Variants in SUGT1 observed in about 807,000 individuals in gnomAD.
SUGT1 encodes protein SGT1 homolog.
A neutral mutation model predicts 56.1 loss-of-function variants in SUGT1; 15 were observed. The ratio of observed to expected loss-of-function variants is 0.27; its 90% CI spans 0.18 to 0.41. The LOEUF is 0.41. Ranked by LOEUF, SUGT1 falls within the 10% of genes least tolerant of loss-of-function variation. The probability of loss-of-function intolerance (pLI) is 1.00; values close to 1 mark genes in which losing one functional copy is unlikely to be tolerated. For synonymous variants in SUGT1, 123 were observed against 128.6 expected (o/e 0.96, Z 0.30); for missense variants, 347 against 382.2 (o/e 0.91, Z 0.77).
At chr13:52,665,772 T>TATTTGCAATATACTAA in intron 9 of SUGT1, 39 bp downstream of exon 9, 1 of 1,412,280 alleles carries the variant, frequency 7.1e-7, no homozygotes, top group Non-Finnish European at 9.8e-7. Context: ...TGATTACTAT[T>TATTTGCAATATACTAA]ATTTGCAAAT....
chr13:52,692,649 T>C lies in SUGT1; in HGVS notation c.*4814T>C, dbSNP rs1963815794. On this transcript the variant is annotated 3_prime_UTR_variant, in exon 13 of 13. Transcript: ENST00000310528. ...TGGTCTTGAACTCCTGACCTCATGA[T>C]CCGCCCACCTTGGCCTCCCAAAATG... 1 of 152,276 alleles carries C rather than the reference T, an allele frequency of 6.6e-6. No homozygotes were observed. The highest frequency in any genetic ancestry group is 1.5e-5 in the Non-Finnish European group (1 of 68,120). The allele number at this position is 152,276 out of a possible 1,614,324, so 9.4% of individuals were successfully genotyped here. A position where few individuals can be genotyped will look rare whatever the true frequency, so the allele number is the denominator to read the frequency against.
Position 52,694,422 on chromosome 13 carries a change from T to G in SUGT1, c.*6587T>G, listed in dbSNP as rs1254569330. The G allele has an allele frequency of 6.6e-6, 1 of 152,244 alleles. No homozygotes were observed. Among genetic ancestry groups the G allele is most frequent in the African/African-American group, 2.4e-5 (1 of 41,462 alleles). 9.4% of individuals were successfully genotyped at this position (152,244 alleles called of 1,614,324 possible). A position where few individuals can be genotyped will look rare whatever the true frequency, so the allele number is the denominator to read the frequency against. On this transcript the variant is annotated 3_prime_UTR_variant, in exon 13 of 13. Coordinates refer to ENST00000310528, the MANE Select transcript of SUGT1 (RefSeq NM_006704.5). ...ATTCATGAAAAGTTTTTAATAATTT[T>G]ACTTAAACAGAGCTTAATTATGTAA...
In SUGT1 at chr13:52,687,998, A is replaced by G; in HGVS notation, c.*163A>G. 1 of 447,000 alleles carries G rather than the reference A, an allele frequency of 2.2e-6. No individual in the cohort carries two copies. The highest frequency in any genetic ancestry group is 3.9e-6 in the Non-Finnish European group (1 of 256,894). The allele number at this position is 447,000 out of a possible 1,614,324, so 27.7% of individuals were successfully genotyped here. Reference sequence around the variant, plus strand: ...ATTTTCCTTCAAGTGTTCAAGTCTAATGAAGAATGAAGATAACATTTTATC... The same window carrying G: ...ATTTTCCTTCAAGTGTTCAAGTCTAGTGAAGAATGAAGATAACATTTTATC... On this transcript the variant is annotated 3_prime_UTR_variant, in exon 13 of 13. Transcript: ENST00000310528.
chr13:52,663,238 G>T, intron 7 of SUGT1, 126 bp downstream of exon 7: 1 of 875,148 alleles, frequency 1.1e-6, no homozygotes. Flanking sequence ...TTTAAGTGCT[G>T]GTTCCTCTAG....
Position 52,699,086 on chromosome 13 carries a change from T to A in SUGT1, c.*11251T>A, listed in dbSNP as rs1206053612. 6.6e-6 allele frequency: 1 copy of A among 152,212 alleles called. No individual in the cohort carries two copies. The highest frequency in any genetic ancestry group is 6.5e-5 in the Admixed American group (1 of 15,282). The allele number at this position is 152,212 out of a possible 1,614,324, so 9.4% of individuals were successfully genotyped here. ...CTAATGCCTTATTTCCAGTAAAGTT[T>A]AGAGAAGAGGAAAAGCTACTTGGCT... On this transcript the variant is annotated 3_prime_UTR_variant, in exon 13 of 13. Coordinates refer to ENST00000310528, the MANE Select transcript of SUGT1 (RefSeq NM_006704.5).
Position 52,695,503 on chromosome 13 carries a change from C to CT in SUGT1, c.*7669dup, listed in dbSNP as rs1963903381. The CT allele has an allele frequency of 1.3e-5, 2 of 152,180 alleles. No homozygotes were observed. The highest frequency in any genetic ancestry group is 1.3e-4 in the Admixed American group (2 of 15,266). The allele number at this position is 152,180 out of a possible 1,614,324, so 9.4% of individuals were successfully genotyped here. On this transcript the variant is annotated 3_prime_UTR_variant, in exon 13 of 13. Coordinates refer to ENST00000310528, the MANE Select transcript of SUGT1 (RefSeq NM_006704.5). ...CCTCAGGATTGTGAGGATTTAATAA[C>CT]TAAGTCCTGACTCAAATTATGTTAC... is the stretch of plus-strand genomic sequence containing the variant.
At chr13:52,656,647 T>A (rs1203680848) in intron 2 of SUGT1, among the ~76,000 whole-genome samples, 1 of 152,172 alleles carries the variant, frequency 6.6e-6, no homozygotes, top group Non-Finnish European at 1.5e-5. Flanking sequence ...AGCCTTACTT[T>A]CTGTTGATTG....
chr13:52,699,378 A>C lies in SUGT1; in HGVS notation c.*11543A>C, dbSNP rs1187923316. The stretch of plus-strand genomic sequence containing the variant: ...ACTGAGCAGAGAAATACTCAGAGAG[A>C]GCCATGGCATAGTACTAATTAATAA... On this transcript the variant is annotated 3_prime_UTR_variant, in exon 13 of 13. Transcript: ENST00000310528. The C allele has an allele frequency of 2.6e-5, 4 of 152,214 alleles. No homozygotes were observed. Among genetic ancestry groups the C allele is most frequent in the Admixed American group, 6.5e-5 (1 of 15,270 alleles). 9.4% of individuals were successfully genotyped at this position (152,214 alleles called of 1,614,324 possible).
At chr13:52,672,957 T>C (rs532338170) in intron 10 of SUGT1, among the ~76,000 whole-genome samples, 102 of 152,300 alleles carry the variant, frequency 6.7e-4, no homozygotes, top group Non-Finnish European at 1.2e-3. Flanking sequence ...AATACTCTTT[T>C]GGGATATTAG....
chr13:52,666,684 C>G, intron 9 of SUGT1, 128 bp from the exon 10 acceptor site: 1 of 680,370 alleles, frequency 1.5e-6, no homozygotes, highest in Non-Finnish European at 2.5e-6. Context: ...GTTCTTAAAT[C>G]TAAAATTCCA....
In SUGT1 at chr13:52,690,632, T is replaced by C. The variant is rs1159423176; in HGVS notation, c.*2797T>C. The C allele has an allele frequency of 6.6e-6, 1 of 152,232 alleles. No individual in the cohort carries two copies. Among genetic ancestry groups the C allele is most frequent in the Non-Finnish European group, 1.5e-5 (1 of 68,028 alleles). 9.4% of individuals were successfully genotyped at this position (152,232 alleles called of 1,614,324 possible). A position where few individuals can be genotyped will look rare whatever the true frequency, so the allele number is the denominator to read the frequency against. ...ATAGAATAATCTGCTTTTTGAACTCTGCTATCTAGTAATCTCTTTAGATAT... is the reference window on the plus strand; with the variant it reads ...ATAGAATAATCTGCTTTTTGAACTCCGCTATCTAGTAATCTCTTTAGATAT... On this transcript the variant is annotated 3_prime_UTR_variant, in exon 13 of 13. Transcript: ENST00000310528.
At chr13:52,683,532 C>G (rs757961827) in intron 12 of SUGT1, among the ~76,000 whole-genome samples, 16 of 152,118 alleles carry the variant, frequency 1.1e-4, no homozygotes, top group Non-Finnish European at 1.8e-4. Flanking sequence ...TGTCTATATT[C>G]ATGAGGAATA....
chr13:52,652,879 T>C lies in SUGT1; in HGVS notation c.-42T>C. 6.2e-7 allele frequency: 1 copy of C among 1,604,744 alleles called. No individual in the cohort carries two copies. The highest frequency in any genetic ancestry group is 8.5e-7 in the Non-Finnish European group (1 of 1,175,132). On this transcript the variant is annotated 5_prime_UTR_variant, in exon 1 of 13. Transcript: ENST00000310528. ...TGGGCGGTGGTGGAGGTGGTAACCG[T>C]GATAGTAGCAGCTCCGGCGGCAGCA...
intron 12 of SUGT1, among the ~76,000 whole-genome samples, chr13:52,686,231 G>A (rs1354613522): frequency 6.6e-6 from 1 of 151,912 alleles, no homozygotes; most frequent in Non-Finnish European, 1.5e-5. Context: ...CCTGGCCTTG[G>A]GGTAGTTTAT....
chr13:52,675,083 T>G (rs1963090751), intron 10 of SUGT1, among the ~76,000 whole-genome samples: 1 of 152,176 alleles, frequency 6.6e-6, no homozygotes, highest in African/African-American at 2.4e-5. Context: ...GGCCATTCCC[T>G]ATGCTCTGGA....
At chr13:52,687,090 A>AAAAG (rs1196963928) in intron 12 of SUGT1, 1 of 151,260 alleles carries the variant, frequency 6.6e-6, no homozygotes, top group Non-Finnish European at 1.5e-5. Flanking sequence ...AAAAAAAAAA[A>AAAAG]AAGAAATGTC....
chr13:52,683,595 T>G (rs185761649), intron 12 of SUGT1, among the ~76,000 whole-genome samples: 1 of 152,336 alleles, frequency 6.6e-6, no homozygotes, highest in East Asian at 1.9e-4. Flanking sequence ...GAGTAATACT[T>G]CATAAAATGA....
rs1340347358 is a variant in SUGT1, at chr13:52,696,976, GATTTATTTT to G, written c.*9159_*9167del. On this transcript the variant is annotated 3_prime_UTR_variant, in exon 13 of 13. Coordinates refer to ENST00000310528, the MANE Select transcript of SUGT1 (RefSeq NM_006704.5). ...ATACCATTTTTTGGAGGGGTGTCCT[GATTTATTTT>G]ATTTATTTTATTTATTTATTTTTAT... 1.7e-4 allele frequency: 24 copies of G among 140,938 alleles called. No individual in the cohort carries two copies. Among genetic ancestry groups the G allele is most frequent in the African/African-American group, 5.0e-4 (19 of 38,024 alleles). The allele number at this position is 140,938 out of a possible 1,614,324, so 8.7% of individuals were successfully genotyped here.
chr13:52,662,539 ACTC>A, intron 5 of SUGT1, 107 bp from the exon 6 acceptor site: 1 of 1,021,122 alleles, frequency 9.8e-7, no homozygotes, highest in Non-Finnish European at 1.5e-6. Flanking sequence ...TTCGCTGCCG[ACTC>A]CCCAGTGCCT....
Sources: allele counts gnomAD v4.1 joint callset (sites outside exome capture counted in the v4.1 genomes callset), GRCh38; gene constraint gnomAD v4.1.1; transcripts MANE v1.5; gene names NCBI Gene and HGNC (gene_info 2026-07-23, HGNC 2026-07-21).